FKBP6: variants seen among roughly 807,000 people sequenced by gnomAD.
FKBP6 encodes inactive peptidyl-prolyl cis-trans isomerase FKBP6.
Under a neutral mutation model 41.7 loss-of-function variants are expected in FKBP6, and 29 were observed. The ratio of observed to expected loss-of-function variants is 0.70; its 90% CI spans 0.52 to 0.95. FKBP6 has a LOEUF of 0.95. Among genes scored for constraint, FKBP6 ranks in the 40% least tolerant of loss-of-function variants. The pLI is 0.00. For synonymous variants in FKBP6, 130 were observed against 165.1 expected (o/e 0.79, Z 1.63); for missense variants, 338 against 408.7 (o/e 0.83, Z 1.49).
rs549018237 is a variant in FKBP6 at position 73,344,716 on chromosome 7, C to G, written c.*2+1817C>G. ...CCTCCTGCCTCAGCCTCCCGAGTAG[C>G]TGGGACTGCAGGTGTGAGCCACCAC... On this transcript the variant is annotated intron_variant, in intron 8 of 8. Coordinates refer to ENST00000252037, the MANE Select transcript of FKBP6 (RefSeq NM_003602.5). Among the ~76,000 whole-genome samples the G allele has an allele frequency of 9.9e-5, 15 of 152,248 alleles. No homozygotes were observed. The South Asian group carries it at 2.9e-3, about 29-fold the overall frequency.
rs4030980 is a variant in FKBP6 at position 73,330,098 on chromosome 7, C to T, written c.266-52C>T. The T allele has an allele frequency of 5.8e-6, 8 of 1,379,326 alleles. No individual in the cohort carries two copies. In the East Asian group the frequency reaches 9.1e-5, roughly 16 times the overall value. The allele number at this position is 1,379,326 out of a possible 1,614,324, so 85.4% of individuals were successfully genotyped here. ...TTAGAGGGGGAAGAAACTGATAGCA[C>T]TGAGCAGGATACTGAGCAAGCTTCA... On this transcript the variant is annotated intron_variant, in intron 3 of 8. Transcript: ENST00000252037.
intron 5 of FKBP6, among the ~76,000 whole-genome samples, chr7:73,334,241 G>A (rs1452923171): frequency 3.3e-5 from 5 of 152,080 alleles, no homozygotes; most frequent in East Asian, 1.9e-4. Context: ...GTGCCTCTGC[G>A]TGTGTGTATC....
In FKBP6 at chr7:73,342,788, T is replaced by A. The variant is rs1554549778; in HGVS notation, c.894-19T>A. 1 of 1,561,006 alleles carries A rather than the reference T, an allele frequency of 6.4e-7. No homozygotes were observed. Among genetic ancestry groups the A allele is most frequent in the Admixed American group, 1.7e-5 (1 of 59,918 alleles). ...CCAAACACAGACCTCCTCTAACAAGTGTGTATTTCCCTCTCCAGCTGTTAC... is the reference window on the plus strand; with the variant it reads ...CCAAACACAGACCTCCTCTAACAAGAGTGTATTTCCCTCTCCAGCTGTTAC... On this transcript the variant is annotated intron_variant, in intron 7 of 8. Transcript: ENST00000252037.
In FKBP6 at chr7:73,328,195, C is replaced by T. The variant is rs1804692648; in HGVS notation, c.-234C>T. ...CGTGCGCTCCCATTACGGATCATACCTCGCACCTCACCGCGTGGCCTCTGT... is the reference window on the plus strand; with the variant it reads ...CGTGCGCTCCCATTACGGATCATACTTCGCACCTCACCGCGTGGCCTCTGT... On this transcript the variant is annotated 5_prime_UTR_variant, in exon 1 of 9. Coordinates refer to ENST00000252037, the MANE Select transcript of FKBP6 (RefSeq NM_003602.5). The T allele has an allele frequency of 5.2e-6, 8 of 1,547,922 alleles. No homozygotes were observed. The South Asian group carries it at 7.1e-5, about 14-fold the overall frequency.
intron 8 of FKBP6, among the ~76,000 whole-genome samples, chr7:73,353,146 C>T (rs1554551365): frequency 6.6e-5 from 10 of 152,130 alleles, no homozygotes; most frequent in Non-Finnish European, 1.5e-4. Context: ...GCCCCTCTCT[C>T]CCCTCTGCTT....
At chr7:73,345,491 C>T (rs1805309459) in intron 8 of FKBP6, among the ~76,000 whole-genome samples, 1 of 152,144 alleles carries the variant, frequency 6.6e-6, no homozygotes, top group African/African-American at 2.4e-5. Context: ...TTTGAAAGAT[C>T]CTGGGCAGGA....
intron 8 of FKBP6, among the ~76,000 whole-genome samples, chr7:73,350,740 T>A (rs1190033553): frequency 6.6e-6 from 1 of 152,162 alleles, no homozygotes; most frequent in Admixed American, 6.5e-5. Context: ...GATTTGGTCC[T>A]GGCTCAGAGC....
intron 8 of FKBP6, among the ~76,000 whole-genome samples, 193 bp from the exon 9 acceptor site, chr7:73,357,986 CAA>C (rs60447125): frequency 1.6e-4 from 16 of 101,186 alleles, no homozygotes; most frequent in Non-Finnish European, 1.5e-4. Flanking sequence ...GGCTCTGTCT[CAA>C]AAAAAAAAAA....
At position 73,342,883 on chromosome 7, in the gene FKBP6, G is replaced by T; in HGVS notation, c.970G>T (p.Ala324Ser). ...CGCGCCCTGTGGCGATGGTTCTACA[G>T]CAGGAGAAAGTTGAAGGTAATCAAA... ...MFAPCGDGST[A>S]GES The change falls in exon 8 of 9, where the codon GCA becomes TCA. Residue 324 changes from alanine to serine, a missense_variant. Ala to Ser is a moderately conservative substitution (Grantham distance 99). Coordinates refer to ENST00000252037, the MANE Select transcript of FKBP6 (RefSeq NM_003602.5). 1 of 1,613,428 alleles carries T rather than the reference G, an allele frequency of 6.2e-7. No individual in the cohort carries two copies. Among genetic ancestry groups the T allele is most frequent in the Non-Finnish European group, 8.5e-7 (1 of 1,179,304 alleles).
intron 8 of FKBP6, among the ~76,000 whole-genome samples, chr7:73,347,093 A>G (rs1044414882): frequency 3.3e-5 from 5 of 152,174 alleles, no homozygotes; most frequent in Non-Finnish European, 7.3e-5. Flanking sequence ...CAGCTTACCT[A>G]CGCGTGGCTT....
chr7:73,335,923 C>T (rs1014403770), intron 5 of FKBP6, among the ~76,000 whole-genome samples: 11 of 152,128 alleles, frequency 7.2e-5, no homozygotes, highest in Non-Finnish European at 1.3e-4. Context: ...ACGTCTTTTC[C>T]TAGTGGAAAG....
At chr7:73,328,806 G>C in intron 2 of FKBP6, 114 bp downstream of exon 2, 1 of 1,592,798 alleles carries the variant, frequency 6.3e-7, no homozygotes, top group African/African-American at 1.3e-5. Context: ...TGTTTGAAGT[G>C]GATTTTTGTT....
At chr7:73,332,368 A>G (rs1804874123) in intron 5 of FKBP6, among the ~76,000 whole-genome samples, 1 of 151,970 alleles carries the variant, frequency 6.6e-6, no homozygotes, top group African/African-American at 2.4e-5. Context: ...CTGTAATCCC[A>G]GCTACTTGGG....
chr7:73,354,848 G>T (rs1805584430), intron 8 of FKBP6, among the ~76,000 whole-genome samples: 1 of 152,162 alleles, frequency 6.6e-6, no homozygotes, highest in Non-Finnish European at 1.5e-5. Context: ...CCGTTGCAGG[G>T]TACAGGGAAG....
At chr7:73,329,873 T>A (rs1204224402) in intron 3 of FKBP6, 1 of 553,386 alleles carries the variant, frequency 1.8e-6, no homozygotes, top group Non-Finnish European at 3.2e-6. Context: ...AAAGCAGTGT[T>A]GTGGGTGTGC....
At chr7:73,353,631 AC>A (rs1222784589) in intron 8 of FKBP6, among the ~76,000 whole-genome samples, 3 of 151,944 alleles carry the variant, frequency 2.0e-5, no homozygotes, top group Non-Finnish European at 2.9e-5. Flanking sequence ...GTTTGCTACA[AC>A]CCCACATCAA....
At chr7:73,339,663 G>T (rs1216950396) in intron 5 of FKBP6, among the ~76,000 whole-genome samples, 1 of 148,978 alleles carries the variant, frequency 6.7e-6, no homozygotes. Context: ...ACCTAGGCTG[G>T]AGTGCAGTGG....
intron 3 of FKBP6, 189 bp from the exon 4 acceptor site, chr7:73,329,961 G>A (rs1286934828): frequency 2.2e-5 from 14 of 645,580 alleles, no homozygotes; most frequent in African/African-American, 3.6e-5. Context: ...AACTGAGCCT[G>A]GAAGTTTGAA....
At chr7:73,342,696 A>G (rs1165201050) in intron 7 of FKBP6, 111 bp from the exon 8 acceptor site, 1 of 812,816 alleles carries the variant, frequency 1.2e-6, no homozygotes, top group Non-Finnish European at 2.2e-6. Context: ...ACTCAGTTTG[A>G]GTCCTGATAA....
Sources: allele counts gnomAD v4.1 joint callset (sites outside exome capture counted in the v4.1 genomes callset), GRCh38; gene constraint gnomAD v4.1.1; transcripts MANE v1.5; gene names NCBI Gene and HGNC (gene_info 2026-07-23, HGNC 2026-07-21).